DCC: variants seen among roughly 807,000 people sequenced by gnomAD.
The protein encoded by DCC is netrin receptor DCC.
Under a neutral mutation model 172.5 loss-of-function variants are expected in DCC, and 58 were observed. The observed-to-expected ratio is 0.34, with a 90% CI of 0.27 to 0.42. The LOEUF (loss-of-function observed/expected upper bound fraction) is 0.42. DCC is among the 10% of genes least tolerant of loss of function. The probability of loss-of-function intolerance (pLI) is 1.00; values close to 1 mark genes in which losing one functional copy is unlikely to be tolerated. For missense variants in DCC, 1,740 were observed against 1,791.0 expected, an observed-to-expected ratio of 0.97 and a Z score of 0.51; for synonymous variants, 709 against 644.5, an observed-to-expected ratio of 1.10 and a Z score of -1.52.
chr18:53,479,996 G>T (rs1018505126), intron 25 of DCC, among the ~76,000 whole-genome samples: 2 of 152,116 alleles, frequency 1.3e-5, no homozygotes, highest in Non-Finnish European at 2.9e-5. Flanking sequence ...GATACCTTAA[G>T]CTCATTTCAA....
Position 52,389,610 on chromosome 18 carries a change from G to T in DCC, c.91+48732G>T, listed in dbSNP as rs188966922. On this transcript the variant is annotated intron_variant, in intron 1 of 28. Coordinates refer to ENST00000442544, the MANE Select transcript of DCC (RefSeq NM_005215.4). ...TACATAGTCATGCAAAAAGCAATATGGATTTCAGGAGAAAACTGATGGCAC... is the reference window on the plus strand; with the variant it reads ...TACATAGTCATGCAAAAAGCAATATTGATTTCAGGAGAAAACTGATGGCAC... 2.8e-3 allele frequency among the ~76,000 whole-genome samples: 422 copies of T among 151,968 alleles called. 2 individuals carry two copies. The highest frequency in any genetic ancestry group is 9.6e-3 in the African/African-American group (399 of 41,522).
chr18:52,683,454 G>C (rs4940207), intron 1 of DCC, among the ~76,000 whole-genome samples: 6 of 151,810 alleles, frequency 4.0e-5, no homozygotes, highest in African/African-American at 1.5e-4. Context: ...CCACAATTCA[G>C]ATTATTTATT....
chr18:53,458,996 C>G (rs888305802), intron 23 of DCC, among the ~76,000 whole-genome samples: 1 of 152,126 alleles, frequency 6.6e-6, no homozygotes, highest in African/African-American at 2.4e-5. Context: ...AAGGAGCTCT[C>G]TGCCAGGAAG....
intron 5 of DCC, among the ~76,000 whole-genome samples, chr18:53,049,430 A>G (rs190484162): frequency 6.6e-6 from 1 of 152,232 alleles, no homozygotes; most frequent in African/African-American, 2.4e-5. Flanking sequence ...AGGACCATTT[A>G]TTAAATAGGG....
At chr18:53,308,800 G>A (rs181666015) in intron 13 of DCC, among the ~76,000 whole-genome samples, 27 of 152,200 alleles carry the variant, frequency 1.8e-4, no homozygotes, top group East Asian at 3.9e-4. Flanking sequence ...CACGAATTTC[G>A]TAACTTGAAA....
chr18:53,495,663 T>G (rs1348262628), intron 26 of DCC, among the ~76,000 whole-genome samples: 1 of 152,170 alleles, frequency 6.6e-6, no homozygotes, highest in African/African-American at 2.4e-5. Context: ...TGAATTTGAA[T>G]GTTGGCCTGT....
rs567913400 is a variant in DCC, at chr18:53,407,885, A to C, written c.2936-2567A>C. Among the ~76,000 whole-genome samples, 3 of 152,242 alleles carry C rather than the reference A, an allele frequency of 2.0e-5. No homozygotes were observed. In the East Asian group the frequency reaches 5.8e-4, roughly 29 times the overall value. On this transcript the variant is annotated intron_variant, in intron 19 of 28. Coordinates refer to ENST00000442544, the MANE Select transcript of DCC (RefSeq NM_005215.4). ...ACAAAGGGATGGACACACATGAGAC[A>C]GAAAACAACTCCTTTATCAAACGAT...
At chr18:53,124,193 T>C (rs1018785366) in intron 7 of DCC, among the ~76,000 whole-genome samples, 1 of 152,126 alleles carries the variant, frequency 6.6e-6, no homozygotes, top group Non-Finnish European at 1.5e-5. Context: ...TTAAAACACT[T>C]TTAGGTTTAA....
intron 5 of DCC, among the ~76,000 whole-genome samples, chr18:53,049,819 G>T (rs1377294676): frequency 1.3e-5 from 2 of 152,034 alleles, no homozygotes; most frequent in African/African-American, 4.8e-5. Flanking sequence ...GGGACGAAAT[G>T]AATAGGTCAG....
At chr18:53,522,000 CA>C (rs2144597032) in intron 27 of DCC, among the ~76,000 whole-genome samples, 1 of 152,164 alleles carries the variant, frequency 6.6e-6, no homozygotes, top group South Asian at 2.1e-4. Flanking sequence ...CAGAACATTG[CA>C]AGCATTCTTG....
chr18:53,410,350 T>G, intron 19 of DCC, 102 bp from the exon 20 acceptor site: 7 of 774,334 alleles, frequency 9.0e-6, no homozygotes. Flanking sequence ...ATTGTGGACA[T>G]ATAATAATTA....
rs534245200 is a variant in DCC at position 52,459,324 on chromosome 18, AT to A, written c.91+118452del. The stretch of plus-strand genomic sequence containing the variant: ...GTACTAAGTCTAGTACCCAACAGTT[AT>A]TTTTTCTGATCCTCTTCCTCCTCCC... On this transcript the variant is annotated intron_variant, in intron 1 of 28. Transcript: ENST00000442544. Among the ~76,000 whole-genome samples the A allele has an allele frequency of 1.7e-3, 252 of 151,864 alleles. 2 individuals carry two copies. Among genetic ancestry groups the A allele is most frequent in the African/African-American group, 5.6e-3 (233 of 41,402 alleles).
intron 12 of DCC, among the ~76,000 whole-genome samples, chr18:53,269,736 G>A (rs1219068370): frequency 6.6e-6 from 1 of 152,038 alleles, no homozygotes; most frequent in Non-Finnish European, 1.5e-5. Context: ...AAATGTTAAG[G>A]AACAGTCCCA....
chr18:52,901,177 G>C (rs1377504503), intron 2 of DCC, among the ~76,000 whole-genome samples: 1 of 152,134 alleles, frequency 6.6e-6, no homozygotes, highest in Non-Finnish European at 1.5e-5. Context: ...TCACGCCTGT[G>C]ATCCTAGCAC....
In DCC at chr18:53,534,391, G is replaced by T. The variant is rs977394469; in HGVS notation, c.*3738G>T. On this transcript the variant is annotated 3_prime_UTR_variant, in exon 29 of 29. Coordinates refer to ENST00000442544, the MANE Select transcript of DCC (RefSeq NM_005215.4). The stretch of plus-strand genomic sequence containing the variant: ...AGTTCCCTTCATGCAACCACAGGCA[G>T]TCCTGCAGGCCAGAGGTTACTATCC... 6.6e-6 allele frequency: 1 copy of T among 152,202 alleles called. No individual in the cohort carries two copies. Among genetic ancestry groups the T allele is most frequent in the African/African-American group, 2.4e-5 (1 of 41,458 alleles). The allele number at this position is 152,202 out of a possible 1,614,324, so 9.4% of individuals were successfully genotyped here.
chr18:52,426,645 G>T (rs551153763), intron 1 of DCC, among the ~76,000 whole-genome samples: 86 of 144,638 alleles, frequency 5.9e-4, no homozygotes, highest in Admixed American at 5.8e-3. Flanking sequence ...ATAGTTCTGA[G>T]AAGAGAATTA....
chr18:52,578,766 C>T (rs529496070), intron 1 of DCC, among the ~76,000 whole-genome samples: 1 of 152,064 alleles, frequency 6.6e-6, no homozygotes, highest in Admixed American at 6.5e-5. Context: ...TTTGGGAGAC[C>T]GAGGTGGGTG....
intron 1 of DCC, among the ~76,000 whole-genome samples, chr18:52,474,422 C>T (rs1383538206): frequency 2.0e-5 from 3 of 152,084 alleles, no homozygotes; most frequent in Non-Finnish European, 4.4e-5. Context: ...TCATGCTTAC[C>T]CTCTGCCTTC....
intron 27 of DCC, among the ~76,000 whole-genome samples, chr18:53,518,355 C>T (rs757768101): frequency 4.6e-5 from 7 of 152,108 alleles, no homozygotes; most frequent in Non-Finnish European, 8.8e-5. Flanking sequence ...GGCCTCTGAT[C>T]GGACCCTGGT....
Sources: gnomAD v4.1 joint callset for allele counts (sites outside exome capture counted in the v4.1 genomes callset) on GRCh38, gnomAD v4.1.1 for gene constraint, MANE v1.5 for transcripts, NCBI Gene and HGNC (gene_info 2026-07-23, HGNC 2026-07-21) for gene names.